The following ENPP6 variants were observed in gnomAD, a reference collection of about 807,000 sequenced individuals.
The protein encoded by ENPP6 is ectonucleotide pyrophosphatase/phosphodiesterase 6, also known as glycerophosphocholine cholinephosphodiesterase ENPP6.
Under a neutral mutation model 42.0 loss-of-function variants are expected in ENPP6, and 32 were observed. The ratio of observed to expected loss-of-function variants is 0.76; its 90% CI spans 0.58 to 1.02. The LOEUF is 1.02. ENPP6 is among the 50% of genes least tolerant of loss of function. The pLI is 0.00. For missense variants in ENPP6, 552 were observed against 566.8 expected (o/e 0.97, Z 0.27); for synonymous variants, 213 against 216.0 (o/e 0.99, Z 0.12).
chr4:184,104,723 G>A (rs1736058185), intron 6 of ENPP6, among the ~76,000 whole-genome samples: 1 of 152,198 alleles, frequency 6.6e-6, no homozygotes, highest in South Asian at 2.1e-4. Context: ...CCAACCAAGT[G>A]AACAATCTGT....
intron 6 of ENPP6, 196 bp downstream of exon 6, chr4:184,112,476 T>C: frequency 1.6e-6 from 1 of 627,716 alleles, no homozygotes; most frequent in Non-Finnish European, 2.6e-6. Flanking sequence ...ACCATGACTC[T>C]GGGTTCGCGT....
intron 1 of ENPP6, among the ~76,000 whole-genome samples, chr4:184,154,936 A>G (rs566287679): frequency 1.3e-5 from 2 of 152,348 alleles, no homozygotes; most frequent in East Asian, 3.9e-4. Context: ...GCTCTTACAT[A>G]TATAGTCCTA....
At chr4:184,205,133 G>A (rs1000640597) in intron 1 of ENPP6, among the ~76,000 whole-genome samples, 24 of 152,138 alleles carry the variant, frequency 1.6e-4, no homozygotes, top group African/African-American at 2.7e-4. Context: ...GGGTTTCACC[G>A]TGTTAGACAG....
intron 1 of ENPP6, among the ~76,000 whole-genome samples, chr4:184,201,419 G>C (rs1022901817): frequency 6.6e-6 from 1 of 152,174 alleles, no homozygotes; most frequent in Non-Finnish European, 1.5e-5. Context: ...CGGGGCGGGG[G>C]GGTGTTGTGA....
chr4:184,171,267 C>T (rs958581385), intron 1 of ENPP6, among the ~76,000 whole-genome samples: 1 of 152,218 alleles, frequency 6.6e-6, no homozygotes. Flanking sequence ...CTGCATCCAC[C>T]TGTGGCCTCT....
rs138586431 is a variant in ENPP6 at position 184,189,295 on chromosome 4, A to G, written c.241+28284T>C. Among the ~76,000 whole-genome samples the G allele has an allele frequency of 5.8e-3, 888 of 152,250 alleles. 5 individuals carry two copies. The highest frequency in any genetic ancestry group is 1.0e-2 in the Non-Finnish European group (679 of 68,024). On this transcript the variant is annotated intron_variant, in intron 1 of 7. Coordinates refer to ENST00000296741, the MANE Select transcript of ENPP6 (RefSeq NM_153343.4). The stretch of plus-strand genomic sequence containing the variant: ...TTAGATAGTTCCCAAAAAGAATTAG[A>G]CTTTGTCCCTCAGGGAAACTGGTAG...
chr4:184,104,731 T>G (rs1736058224), intron 6 of ENPP6, among the ~76,000 whole-genome samples: 1 of 152,234 alleles, frequency 6.6e-6, no homozygotes, highest in Non-Finnish European at 1.5e-5. Flanking sequence ...GTGAACAATC[T>G]GTCAATAAGT....
chr4:184,168,221 TTTTCAGAGTTAAGTGG>T (rs1737390460), intron 1 of ENPP6, among the ~76,000 whole-genome samples: 1 of 152,152 alleles, frequency 6.6e-6, no homozygotes, highest in Non-Finnish European at 1.5e-5. Context: ...ATCATACCTT[TTTTCAGAGTTAAGTGG>T]TTTCAGGTAG....
At chr4:184,197,497 A>G (rs1732820696) in intron 1 of ENPP6, among the ~76,000 whole-genome samples, 1 of 152,210 alleles carries the variant, frequency 6.6e-6, no homozygotes, top group African/African-American at 2.4e-5. Context: ...GTCCCTGATC[A>G]TCTAAGGGAT....
chr4:184,149,249 C>T (rs895128081), intron 2 of ENPP6, among the ~76,000 whole-genome samples: 3 of 152,142 alleles, frequency 2.0e-5, no homozygotes, highest in African/African-American at 7.2e-5. Flanking sequence ...CCTAATTTTC[C>T]CTGTGCCTGA....
At chr4:184,208,119 A>G (rs1561012303) in intron 1 of ENPP6, among the ~76,000 whole-genome samples, 1 of 150,516 alleles carries the variant, frequency 6.6e-6, no homozygotes, top group Non-Finnish European at 1.5e-5. Context: ...TTGGGCTCAC[A>G]ACACCTTGCT....
At chr4:184,216,557 C>G (rs984310453) in intron 1 of ENPP6, 1 of 152,158 alleles carries the variant, frequency 6.6e-6, no homozygotes, top group African/African-American at 2.4e-5. Flanking sequence ...ATCTCATTTT[C>G]TTTCTGTTAA....
intron 6 of ENPP6, among the ~76,000 whole-genome samples, chr4:184,101,147 ATG>A (rs201265935): frequency 0.025 from 3,800 of 151,914 alleles, 137 homozygotes; most frequent in African/African-American, 0.073. Context: ...ACATGTGTGC[ATG>A]TGTGTGTGAA....
intron 1 of ENPP6, among the ~76,000 whole-genome samples, chr4:184,193,162 T>TATTC (rs1164160723): frequency 6.6e-6 from 1 of 152,248 alleles, no homozygotes; most frequent in Non-Finnish European, 1.5e-5. Context: ...TGACAACATA[T>TATTC]ATTCACACAA....
At chr4:184,113,890 C>CTTCCTTTCT (rs1736256054) in intron 5 of ENPP6, among the ~76,000 whole-genome samples, 1 of 144,362 alleles carries the variant, frequency 6.9e-6, no homozygotes, top group Non-Finnish European at 1.5e-5. Flanking sequence ...TTTTTCCTTC[C>CTTCCTTTCT]TTTCTTTCTT....
chr4:184,101,796 C>T (rs762596613), intron 6 of ENPP6, among the ~76,000 whole-genome samples: 11 of 152,200 alleles, frequency 7.2e-5, no homozygotes, highest in Admixed American at 2.0e-4. Flanking sequence ...AGGACCCCTC[C>T]TCTAGACAGG....
At chr4:184,129,814 A>G (rs1444521092) in intron 2 of ENPP6, among the ~76,000 whole-genome samples, 1 of 152,236 alleles carries the variant, frequency 6.6e-6, no homozygotes, top group Non-Finnish European at 1.5e-5. Context: ...AAAATAGTAT[A>G]TAACAGATGA....
At chr4:184,125,873 T>C (rs1232295441) in intron 2 of ENPP6, among the ~76,000 whole-genome samples, 3 of 152,364 alleles carry the variant, frequency 2.0e-5, no homozygotes, top group East Asian at 3.9e-4. Context: ...TGAATGACTA[T>C]ATCACTTTAG....
At chr4:184,113,937 T>TTCTTTCTA (rs1736265883) in intron 5 of ENPP6, among the ~76,000 whole-genome samples, 1 of 148,162 alleles carries the variant, frequency 6.7e-6, no homozygotes, top group Non-Finnish European at 1.5e-5. Context: ...CTTTCTTTCT[T>TTCTTTCTA]TCTTTCTTTC....
Sources: gnomAD v4.1 joint callset for allele counts (sites outside exome capture counted in the v4.1 genomes callset) on GRCh38, gnomAD v4.1.1 for gene constraint, MANE v1.5 for transcripts, NCBI Gene and HGNC (gene_info 2026-07-23, HGNC 2026-07-21) for gene names.